The following FOLH1 variants were observed in gnomAD, a reference collection of about 807,000 sequenced individuals.
FOLH1 encodes the protein glutamate carboxypeptidase 2.
Under a neutral mutation model 93.9 loss-of-function variants are expected in FOLH1, and 54 were observed. The ratio of observed to expected loss-of-function variants is 0.57; its 90% CI spans 0.46 to 0.72. FOLH1 has a LOEUF of 0.72. Ranked by LOEUF, FOLH1 falls within the 30% of genes least tolerant of loss-of-function variation. The pLI, the probability that FOLH1 is intolerant of heterozygous loss-of-function variation, is 0.00. For synonymous variants in FOLH1, 249 were observed against 303.6 expected, an observed-to-expected ratio of 0.82 and a Z score of 1.87; for missense variants, 571 against 892.5, an observed-to-expected ratio of 0.64 and a Z score of 4.59.
chr11:49,145,652 C>G lies in FOLH1; in HGVS notation c.*1104G>C, dbSNP rs898064072. 6.6e-6 allele frequency among the ~76,000 whole-genome samples: 1 copy of G among 152,170 alleles called. No individual in the cohort carries two copies. Among genetic ancestry groups the G allele is most frequent in the Non-Finnish European group, 1.5e-5 (1 of 68,024 alleles). The stretch of plus-strand genomic sequence containing the variant: ...TGAGCGAGGCCACAATGTGAGGGGA[C>G]TCTTCATTGGCTGCTCCAAATTCAC... On this transcript the variant is annotated 3_prime_UTR_variant, in exon 19 of 19. Transcript: ENST00000256999.
intron 2 of FOLH1, among the ~76,000 whole-genome samples, chr11:49,204,681 T>C (rs1590707859): frequency 1.3e-5 from 2 of 152,192 alleles, no homozygotes; most frequent in African/African-American, 2.4e-5. Context: ...TTTGTATTTA[T>C]ACTTTTAATT....
chr11:49,166,545 G>A (rs555963251), intron 12 of FOLH1, among the ~76,000 whole-genome samples: 136 of 152,258 alleles, frequency 8.9e-4, no homozygotes, highest in African/African-American at 3.2e-3. Flanking sequence ...ATATATTAAT[G>A]CCAACATGAT....
At chr11:49,147,102 T>C (rs375372470) in intron 18 of FOLH1, among the ~76,000 whole-genome samples, 157 bp from the exon 19 acceptor site, 16 of 152,304 alleles carry the variant, frequency 1.1e-4, no homozygotes, top group African/African-American at 3.8e-4. Flanking sequence ...TGAAGACTAT[T>C]ATATGAAATC....
intron 2 of FOLH1, among the ~76,000 whole-genome samples, chr11:49,204,657 A>G (rs1328418790): frequency 6.6e-6 from 1 of 152,154 alleles, no homozygotes; most frequent in African/African-American, 2.4e-5. Flanking sequence ...AAGACCTGAG[A>G]GGTATCCTAT....
intron 13 of FOLH1, 140 bp downstream of exon 13, chr11:49,164,565 G>A: frequency 1.6e-6 from 1 of 607,872 alleles, no homozygotes; most frequent in Non-Finnish European, 3.0e-6. Flanking sequence ...AGATGTGATG[G>A]TCTGTGAAGA....
At chr11:49,154,048 A>T in intron 16 of FOLH1, 121 bp from the exon 17 acceptor site, 3 of 1,306,788 alleles carry the variant, frequency 2.3e-6, no homozygotes, top group Non-Finnish European at 2.1e-6. Context: ...CAAGGTATTT[A>T]TATTTTTATA....
chr11:49,163,309 C>T (rs1233437007), intron 13 of FOLH1, among the ~76,000 whole-genome samples: 4 of 152,162 alleles, frequency 2.6e-5, no homozygotes, highest in Middle Eastern at 3.4e-3. Flanking sequence ...GAGGCTCCAC[C>T]CATTGATGAG....
In FOLH1 at chr11:49,208,380, C is replaced by T; in HGVS notation, c.30G>A (p.Ser10=). The T allele has an allele frequency of 1.2e-6, 2 of 1,603,820 alleles. No individual in the cohort carries two copies. Among genetic ancestry groups the T allele is most frequent in the Middle Eastern group, 1.7e-4 (1 of 6,040 alleles). Residue 10 remains serine (S), a synonymous_variant, in exon 1 of 19, where the codon TCG becomes TCA. Coordinates refer to ENST00000256999, the MANE Select transcript of FOLH1 (RefSeq NM_004476.3). The part of the protein sequence containing the change: MWNLLHETD[S]AVATARRPRW... Reference sequence around the variant, plus strand: ...GCGGGCGGCGCGCGGTGGCCACAGCCGAGTCGGTTTCGTGAAGGAGATTCC... The same window carrying T: ...GCGGGCGGCGCGCGGTGGCCACAGCTGAGTCGGTTTCGTGAAGGAGATTCC...
chr11:49,149,117 G>C (rs750008404), intron 17 of FOLH1, among the ~76,000 whole-genome samples: 2 of 151,978 alleles, frequency 1.3e-5, no homozygotes, highest in Non-Finnish European at 2.9e-5. Context: ...GTCGTGGGGT[G>C]GGGTGAGGGG....
chr11:49,184,043 C>T (rs1391523633), intron 6 of FOLH1, among the ~76,000 whole-genome samples: 1 of 152,128 alleles, frequency 6.6e-6, no homozygotes, highest in African/African-American at 2.4e-5. Flanking sequence ...CCTATCATTT[C>T]TTCAGACTTA....
intron 11 of FOLH1, among the ~76,000 whole-genome samples, chr11:49,170,490 C>G (rs1859127001): frequency 6.6e-6 from 1 of 152,076 alleles, no homozygotes. Context: ...TGGCACATGC[C>G]TGTAATCCCA....
chr11:49,149,687 A>C (rs1011346589), intron 17 of FOLH1, among the ~76,000 whole-genome samples: 7 of 152,142 alleles, frequency 4.6e-5, no homozygotes, highest in Admixed American at 4.6e-4. Flanking sequence ...AAAAGTTCTA[A>C]TATATCAAAG....
intron 13 of FOLH1, among the ~76,000 whole-genome samples, chr11:49,159,318 T>C (rs1857380924): frequency 6.6e-6 from 1 of 152,238 alleles, no homozygotes; most frequent in African/African-American, 2.4e-5. Context: ...ATACCTAGTT[T>C]ATTGATAGTT....
Position 49,146,625 on chromosome 11 carries a change from C to G in FOLH1, c.*131G>C. The stretch of plus-strand genomic sequence containing the variant: ...ATATAAACACACACATATATAAACA[C>G]TCACATAACTATATATAATATTCAA... On this transcript the variant is annotated 3_prime_UTR_variant, in exon 19 of 19. Coordinates refer to ENST00000256999, the MANE Select transcript of FOLH1 (RefSeq NM_004476.3). The G allele has an allele frequency of 1.5e-6, 1 of 670,818 alleles. No homozygotes were observed. Among genetic ancestry groups the G allele is most frequent in the Non-Finnish European group, 2.4e-6 (1 of 416,974 alleles). The allele number at this position is 670,818 out of a possible 1,614,324, so 41.6% of individuals were successfully genotyped here. A position where few individuals can be genotyped will look rare whatever the true frequency, so the allele number is the denominator to read the frequency against.
At chr11:49,200,157 T>G in intron 3 of FOLH1, 98 bp downstream of exon 3, 1 of 1,102,748 alleles carries the variant, frequency 9.1e-7, no homozygotes, top group Non-Finnish European at 1.2e-6. Flanking sequence ...TGATTTCTAT[T>G]AATATTTAGA....
chr11:49,170,066 GGTTT>G (rs2307821), intron 11 of FOLH1, among the ~76,000 whole-genome samples: 55,328 of 151,176 alleles, frequency 0.37, 11,325 homozygotes, highest in African/African-American at 0.57. Context: ...AAGTCCACAG[GGTTT>G]CACATAATAT....
chr11:49,176,133 A>C (rs1159711824), intron 7 of FOLH1, among the ~76,000 whole-genome samples, 176 bp from the exon 8 acceptor site: 1 of 152,218 alleles, frequency 6.6e-6, no homozygotes, highest in Admixed American at 6.5e-5. Flanking sequence ...TGCTACCTCC[A>C]CTTCACAGAT....
At chr11:49,199,249 G>A (rs1286353913) in intron 3 of FOLH1, among the ~76,000 whole-genome samples, 3 of 152,014 alleles carry the variant, frequency 2.0e-5, no homozygotes, top group Admixed American at 6.6e-5. Flanking sequence ...TTCTACATAC[G>A]GTAGCTCTAA....
intron 13 of FOLH1, among the ~76,000 whole-genome samples, chr11:49,161,178 T>C (rs1404977318): frequency 1.3e-5 from 2 of 152,166 alleles, no homozygotes; most frequent in Admixed American, 1.3e-4. Context: ...GCCATGAATA[T>C]CTTTGTTATT....
Sources: allele counts gnomAD v4.1 joint callset (sites outside exome capture counted in the v4.1 genomes callset), GRCh38; gene constraint gnomAD v4.1.1; transcripts MANE v1.5; gene names NCBI Gene and HGNC (gene_info 2026-07-23, HGNC 2026-07-21).